CASD1: variants seen among roughly 807,000 people sequenced by gnomAD.
CASD1 encodes N-acetylneuraminate (7)9-O-acetyltransferase.
CASD1 carries 41 observed loss-of-function variants against 100.0 expected under a neutral mutation model. The ratio of observed to expected loss-of-function variants is 0.41; its 90% CI spans 0.32 to 0.53. The LOEUF is 0.53. Among genes scored for constraint, CASD1 ranks in the 20% least tolerant of loss-of-function variants. The pLI is 0.25. For synonymous variants in CASD1, 321 were observed against 315.6 expected, an observed-to-expected ratio of 1.02 and a Z score of -0.18; for missense variants, 774 against 948.7, an observed-to-expected ratio of 0.82 and a Z score of 2.42.
the CASD1 span, chr7:94,589,201 G>A: frequency 4.1e-4 from 72 of 176,890 alleles, no homozygotes; most frequent in East Asian, 8.1e-3. Flanking sequence ...TTTTATCTTC[G>A]TGTCAGGAAT....
At chr7:94,550,217 G>A (rs1046320849) in intron 14 of CASD1, among the ~76,000 whole-genome samples, 2 of 152,196 alleles carry the variant, frequency 1.3e-5, no homozygotes, top group Non-Finnish European at 2.9e-5. Context: ...ACAGCATTTG[G>A]AAAACTGATA....
the CASD1 span, among the ~76,000 whole-genome samples, chr7:94,614,107 C>CAAAAAA: frequency 2.8e-4 from 27 of 94,878 alleles, no homozygotes; most frequent in South Asian, 3.9e-4. Context: ...AAATTGAAAT[C>CAAAAAA]AAAAAAAAAA....
At position 94,542,495 on chromosome 7, in the gene CASD1, A is replaced by G. The variant is rs1795458264; in HGVS notation, c.1357-1916A>G. On this transcript the variant is annotated intron_variant, in intron 10 of 17. Coordinates refer to ENST00000297273, the MANE Select transcript of CASD1 (RefSeq NM_022900.5). ...AGTTAAATAAAATATATTTATTGAAATTAATTTCACCTGTTTCTTTTAACT... is the reference window on the plus strand; with the variant it reads ...AGTTAAATAAAATATATTTATTGAAGTTAATTTCACCTGTTTCTTTTAACT... 2.6e-5 allele frequency among the ~76,000 whole-genome samples: 4 copies of G among 152,346 alleles called. No homozygotes were observed. The South Asian group carries it at 8.3e-4, about 32-fold the overall frequency.
At chr7:94,625,005 C>T in the CASD1 span, 1 of 152,008 alleles carries the variant, frequency 6.6e-6, no homozygotes, top group Non-Finnish European at 1.5e-5. Flanking sequence ...CCTTCTATCA[C>T]TTCCAATGAG....
chr7:94,554,442 T>G (rs1796106735), intron 16 of CASD1, 41 bp from the exon 17 acceptor site: 1 of 1,300,492 alleles, frequency 7.7e-7, no homozygotes, highest in Non-Finnish European at 1.1e-6. Flanking sequence ...TACTTTTCAA[T>G]AAAGAGATTA....
chr7:94,579,191 A>G, the CASD1 span, among the ~76,000 whole-genome samples: 1 of 150,584 alleles, frequency 6.6e-6, no homozygotes, highest in Non-Finnish European at 1.5e-5. Context: ...GGGCCCTGAT[A>G]CTCAATCCAA....
At position 94,551,323 on chromosome 7, in the gene CASD1, C is replaced by T. The variant is rs780443565; in HGVS notation, c.1816-15C>T. ...AGTAACTGTTTAAAACAAATTTTCT[C>T]TCTTTACTTTTCAGGTAGTTTTCCA... On this transcript the variant is annotated splice_polypyrimidine_tract_variant and intron_variant, in intron 14 of 17. Coordinates refer to ENST00000297273, the MANE Select transcript of CASD1 (RefSeq NM_022900.5). 6.5e-7 allele frequency: 1 copy of T among 1,529,056 alleles called. No homozygotes were observed. The highest frequency in any genetic ancestry group is 8.7e-7 in the Non-Finnish European group (1 of 1,148,162). The allele number at this position is 1,529,056 out of a possible 1,614,324, so 94.7% of individuals were successfully genotyped here.
At position 94,537,765 on chromosome 7, in the gene CASD1, A is replaced by G. The variant is rs139346321; in HGVS notation, c.1137A>G (p.Ala379=). The G allele has an allele frequency of 3.2e-5, 51 of 1,613,608 alleles. 1 individual carries two copies. The highest frequency in any genetic ancestry group is 3.6e-5 in the Non-Finnish European group (43 of 1,179,814). ...QSFCKLGLIM[A]YFYMCDRANL... ...TCTGCAAACTTGGCCTGATTATGGC[A>G]TATTTCTATATGTGTGACCGTGCAA... Residue 379 remains alanine, a synonymous_variant, in exon 9 of 18, where the codon GCA becomes GCG. Transcript: ENST00000297273.
rs772157863 is a variant in CASD1 at position 94,545,699 on chromosome 7, A to G, written c.1631A>G (p.Asn544Ser). ...CCACAAATAATCCAAAAAAAAGCAA[A>G]CGGTAAATATACTTTCTTACTAATG... The part of the protein sequence containing the change: ...LWPQIIQKKA[N>S]GNCFWHFGLL... The change falls in exon 12 of 18, where the codon AAC becomes AGC. Residue 544 changes from asparagine (N) to serine (S), a missense_variant and splice_region_variant. Transcript: ENST00000297273. 6.3e-7 allele frequency: 1 copy of G among 1,578,442 alleles called. No individual in the cohort carries two copies. Among genetic ancestry groups the G allele is most frequent in the South Asian group, 1.2e-5 (1 of 85,182 alleles).
the CASD1 span, among the ~76,000 whole-genome samples, chr7:94,577,230 T>G: frequency 6.6e-6 from 1 of 152,202 alleles, no homozygotes; most frequent in Non-Finnish European, 1.5e-5. Flanking sequence ...TGTGGTTTTG[T>G]GTGTTTTTGA....
At chr7:94,563,018 G>A in the CASD1 span, among the ~76,000 whole-genome samples, 1 of 152,094 alleles carries the variant, frequency 6.6e-6, no homozygotes, top group Non-Finnish European at 1.5e-5. Context: ...ATGGTACCTA[G>A]AAGGAGTAAG....
At chr7:94,575,477 A>G in the CASD1 span, among the ~76,000 whole-genome samples, 3 of 152,138 alleles carry the variant, frequency 2.0e-5, no homozygotes, top group Non-Finnish European at 4.4e-5. Flanking sequence ...TATATGGTCA[A>G]TTTTAGAGTA....
the CASD1 span, among the ~76,000 whole-genome samples, chr7:94,562,532 A>G: frequency 6.6e-5 from 10 of 152,242 alleles, no homozygotes; most frequent in South Asian, 2.1e-3. Flanking sequence ...CCCTATAACA[A>G]ATGTTCACAG....
At position 94,555,492 on chromosome 7, in the gene CASD1, C is replaced by G; in HGVS notation, c.2128C>G (p.Leu710Val). 2 of 1,609,854 alleles carry G rather than the reference C, an allele frequency of 1.2e-6. No homozygotes were observed. Among genetic ancestry groups the G allele is most frequent in the South Asian group, 2.2e-5 (2 of 90,572 alleles). Residue 710 changes from leucine (L) to valine (V), a missense_variant and splice_region_variant, in exon 18 of 18, where the codon CTA becomes GTA. Physicochemically the swap from Leu to Val is conservative, Grantham distance 32. Coordinates refer to ENST00000297273, the MANE Select transcript of CASD1 (RefSeq NM_022900.5). The stretch of plus-strand genomic sequence containing the variant: ...CTGACTTAAATATTTTTTCTCCTAG[C>G]TATTTATTTGCCAGTATCACATATG... Reference protein sequence around the residue: ...FAWFGKISLELFICQYHIWLA... With the variant: ...FAWFGKISLEVFICQYHIWLA...
At chr7:94,617,018 T>C in the CASD1 span, 1 of 152,200 alleles carries the variant, frequency 6.6e-6, no homozygotes, top group Admixed American at 6.6e-5. Context: ...TGCCACCCTC[T>C]AGCAGGTGTT....
At chr7:94,586,263 A>G in the CASD1 span, among the ~76,000 whole-genome samples, 1 of 152,124 alleles carries the variant, frequency 6.6e-6, no homozygotes, top group Admixed American at 6.5e-5. Flanking sequence ...GATGATAATC[A>G]TGCATAAATG....
the CASD1 span, among the ~76,000 whole-genome samples, chr7:94,571,959 G>C: frequency 3.9e-5 from 6 of 151,992 alleles, no homozygotes; most frequent in Admixed American, 1.3e-4. Context: ...TCCCAAACTA[G>C]GGGGCTTCTA....
the CASD1 span, chr7:94,629,971 G>T: frequency 2.0e-6 from 2 of 990,146 alleles, no homozygotes; most frequent in Non-Finnish European, 3.0e-6. Flanking sequence ...GAAGCAACAT[G>T]CAAGGAAACT....
chr7:94,520,840 C>T (rs1407381285), intron 3 of CASD1, among the ~76,000 whole-genome samples: 7 of 151,972 alleles, frequency 4.6e-5, no homozygotes, highest in Non-Finnish European at 8.8e-5. Flanking sequence ...GCCTGTAATC[C>T]GAGCACTTTG....
Sources: allele counts gnomAD v4.1 joint callset (sites outside exome capture counted in the v4.1 genomes callset), GRCh38; gene constraint gnomAD v4.1.1; transcripts MANE v1.5; gene names NCBI Gene and HGNC (gene_info 2026-07-23, HGNC 2026-07-21).